Variants in NRXN3 observed in about 807,000 individuals in gnomAD.
The protein encoded by NRXN3 is neurexin III.
Under a neutral mutation model 137.6 loss-of-function variants are expected in NRXN3, and 32 were observed. The ratio of observed to expected loss-of-function variants is 0.23; its 90% confidence interval spans 0.18 to 0.31. The LOEUF (loss-of-function observed/expected upper bound fraction) is 0.31, where lower values mean the gene tolerates loss of function less well. Ranked by LOEUF, NRXN3 falls within the 10% of genes least tolerant of loss-of-function variation. NRXN3 has a pLI of 1.00. For missense variants in NRXN3, 1,574 were observed against 2,062.5 expected, an observed-to-expected ratio of 0.76 and a Z score of 4.59; for synonymous variants, 798 against 784.5, an observed-to-expected ratio of 1.02 and a Z score of -0.29.
intron 8 of NRXN3, among the ~76,000 whole-genome samples, chr14:78,740,501 G>A (rs938195348): frequency 5.4e-5 from 8 of 149,366 alleles, no homozygotes; most frequent in African/African-American, 2.5e-5. Context: ...TCAACATATA[G>A]TAGAGCACTT....
chr14:79,797,476 G>A, intron 19 of NRXN3, among the ~76,000 whole-genome samples: 1 of 151,620 alleles, frequency 6.6e-6, no homozygotes, highest in South Asian at 2.1e-4. Context: ...AACAAGACTA[G>A]AATTCTGTCC....
At chr14:79,720,336 GA>G (rs1240512110) in intron 19 of NRXN3, among the ~76,000 whole-genome samples, 27 of 151,992 alleles carry the variant, frequency 1.8e-4, no homozygotes, top group Admixed American at 1.8e-3. Context: ...GATGCATGGG[GA>G]TTATTACAAT....
chr14:78,220,932 G>C (rs183144427), intron 1 of NRXN3, among the ~76,000 whole-genome samples: 1 of 152,240 alleles, frequency 6.6e-6, no homozygotes, highest in Admixed American at 6.5e-5. Flanking sequence ...AGGGGAAAAG[G>C]GTTTAGAAGA....
At chr14:79,740,743 T>TATATATATATATAA (rs2098959945) in intron 19 of NRXN3, among the ~76,000 whole-genome samples, 5 of 48,266 alleles carry the variant, frequency 1.0e-4, no homozygotes, top group Non-Finnish European at 1.8e-4. Flanking sequence ...TATATATATA[T>TATATATATATATAA]ATATATATAT....
intron 2 of NRXN3, among the ~76,000 whole-genome samples, chr14:78,253,673 C>T (rs2069011103): frequency 6.6e-6 from 1 of 150,996 alleles, no homozygotes; most frequent in East Asian, 1.9e-4. Flanking sequence ...AGACCCATCT[C>T]AGAAAAAAAA....
intron 15 of NRXN3, among the ~76,000 whole-genome samples, chr14:79,264,964 G>C (rs2078221077): frequency 6.6e-6 from 1 of 151,830 alleles, no homozygotes; most frequent in African/African-American, 2.4e-5. Flanking sequence ...TATATATCTA[G>C]TATATATGTG....
intron 15 of NRXN3, among the ~76,000 whole-genome samples, chr14:79,079,766 G>A (rs1438972505): frequency 6.6e-6 from 1 of 152,096 alleles, no homozygotes; most frequent in Non-Finnish European, 1.5e-5. Flanking sequence ...GAGGCGGGTG[G>A]ATCACAAGGT....
intron 15 of NRXN3, among the ~76,000 whole-genome samples, chr14:79,064,338 G>A (rs2099677984): frequency 6.6e-6 from 1 of 152,004 alleles, no homozygotes; most frequent in Non-Finnish European, 1.5e-5. Context: ...AACTGCAAGT[G>A]GTATAGAGGT....
At chr14:79,504,641 T>TTATATATATATATGTATATATA (rs1057304255) in intron 16 of NRXN3, among the ~76,000 whole-genome samples, 1 of 97,876 alleles carries the variant, frequency 1.0e-5, no homozygotes, top group Non-Finnish European at 2.2e-5. Flanking sequence ...ATGAAGTTTT[T>TTATATATATATATGTATATATA]TATATATATA....
chr14:78,541,737 C>T (rs145153346), intron 4 of NRXN3, among the ~76,000 whole-genome samples: 3,367 of 152,306 alleles, frequency 0.022, 110 homozygotes, highest in African/African-American at 0.07. Flanking sequence ...TCTGGTTTCT[C>T]CCCACCTTTG....
At chr14:78,173,038 G>C (rs926507104) in intron 1 of NRXN3, among the ~76,000 whole-genome samples, 1 of 152,038 alleles carries the variant, frequency 6.6e-6, no homozygotes, top group Non-Finnish European at 1.5e-5. Context: ...TTTGAGATCG[G>C]CTACTGAGAT....
chr14:78,870,134 C>T (rs1223643943), intron 10 of NRXN3, among the ~76,000 whole-genome samples: 1 of 152,178 alleles, frequency 6.6e-6, no homozygotes, highest in Non-Finnish European at 1.5e-5. Context: ...GCAGTTCTTA[C>T]TAAACTGACT....
At chr14:79,736,164 C>A (rs1035334219) in intron 19 of NRXN3, among the ~76,000 whole-genome samples, 2 of 152,254 alleles carry the variant, frequency 1.3e-5, no homozygotes, top group African/African-American at 4.8e-5. Flanking sequence ...AATACCCTAG[C>A]TGACAGTCTT....
At chr14:79,597,439 T>C (rs1455050596) in intron 16 of NRXN3, among the ~76,000 whole-genome samples, 1 of 152,218 alleles carries the variant, frequency 6.6e-6, no homozygotes, top group South Asian at 2.1e-4. Flanking sequence ...TCCCTTCTTA[T>C]ACTACAAAAC....
At chr14:78,976,533 G>A (rs574800624) in intron 14 of NRXN3, among the ~76,000 whole-genome samples, 1 of 152,292 alleles carries the variant, frequency 6.6e-6, no homozygotes, top group East Asian at 1.9e-4. Flanking sequence ...TTCCCCAACT[G>A]TCTTTACTAT....
chr14:78,426,810 A>C (rs2093682381), intron 4 of NRXN3, among the ~76,000 whole-genome samples: 1 of 152,146 alleles, frequency 6.6e-6, no homozygotes, highest in African/African-American at 2.4e-5. Context: ...TAAAATATTC[A>C]ACATGCCAAA....
chr14:79,296,890 C>T (rs1046585159), intron 15 of NRXN3, among the ~76,000 whole-genome samples: 1 of 152,222 alleles, frequency 6.6e-6, no homozygotes, highest in Admixed American at 6.5e-5. Context: ...TTTAATGTGG[C>T]CTAGCAGTTC....
At chr14:79,811,425 G>C (rs905574670) in intron 20 of NRXN3, among the ~76,000 whole-genome samples, 1 of 152,064 alleles carries the variant, frequency 6.6e-6, no homozygotes, top group African/African-American at 2.4e-5. Flanking sequence ...CACATACTTA[G>C]GTCTAGGCTA....
intron 2 of NRXN3, among the ~76,000 whole-genome samples, chr14:78,248,302 G>GCCCCCC (rs1177541167): frequency 3.1e-4 from 7 of 22,548 alleles, no homozygotes; most frequent in South Asian, 5.4e-3. Flanking sequence ...ACCGCCCCCC[G>GCCCCCC]CCCCCCCCCC....
Sources: allele counts gnomAD v4.1 joint callset (sites outside exome capture counted in the v4.1 genomes callset), GRCh38; gene constraint gnomAD v4.1.1; transcripts MANE v1.5; gene names NCBI Gene and HGNC (gene_info 2026-07-23, HGNC 2026-07-21).